COL25A1: variants seen among roughly 807,000 people sequenced by gnomAD.
COL25A1 encodes the protein collagen alpha-1(XXV) chain.
Under a neutral mutation model 128.4 loss-of-function variants are expected in COL25A1, and 103 were observed. The observed-to-expected ratio is 0.80, with a 90% CI of 0.68 to 0.94. The LOEUF is 0.94. COL25A1 is among the 40% of genes least tolerant of loss of function. The probability of loss-of-function intolerance (pLI) is 0.00; values close to 1 mark genes in which losing one functional copy is unlikely to be tolerated. For missense variants in COL25A1, 745 were observed against 840.0 expected, an observed-to-expected ratio of 0.89 and a Z score of 1.40; for synonymous variants, 279 against 277.2, an observed-to-expected ratio of 1.01 and a Z score of -0.06.
intron 4 of COL25A1, among the ~76,000 whole-genome samples, chr4:109,049,398 T>A (rs1253626846): frequency 6.6e-6 from 1 of 152,138 alleles, no homozygotes; most frequent in Non-Finnish European, 1.5e-5. Context: ...TCAAAAGAAA[T>A]TTTACTTGAC....
At chr4:108,894,358 AT>A (rs1209355513) in intron 16 of COL25A1, among the ~76,000 whole-genome samples, 1 of 152,062 alleles carries the variant, frequency 6.6e-6, no homozygotes. Context: ...CGTAGTATAA[AT>A]TTTTTTCACT....
intron 5 of COL25A1, chr4:109,022,218 T>C (rs1183951656): frequency 4.4e-6 from 2 of 453,262 alleles, no homozygotes; most frequent in Non-Finnish European, 4.4e-6. Flanking sequence ...ATTCCTCTCT[T>C]TGTGCTCTTT....
intron 6 of COL25A1, among the ~76,000 whole-genome samples, chr4:108,978,679 T>C (rs1209645582): frequency 6.6e-6 from 1 of 152,172 alleles, no homozygotes; most frequent in Admixed American, 6.5e-5. Flanking sequence ...AGCTCAACAA[T>C]CTAATATTTA....
rs796441649 is a variant in COL25A1 at position 109,218,356 on chromosome 4, G to GTTTTTTTTT, written c.367+82226_367+82227insAAAAAAAAA. Reference sequence around the variant, plus strand: ...GCAGAATCAATTGCTGGTTTTTTGGGGTTTTTTTTTTTTTTTTTTTTTTTT... The same window carrying GTTTTTTTTT: ...GCAGAATCAATTGCTGGTTTTTTGGGTTTTTTTTTGTTTTTTTTTTTTTTTTTTTTTTTT... On this transcript the variant is annotated intron_variant, in intron 3 of 37. Coordinates refer to ENST00000399132, the MANE Select transcript of COL25A1 (RefSeq NM_198721.4). Among the ~76,000 whole-genome samples, 337 of 100,318 alleles carry GTTTTTTTTT rather than the reference G, an allele frequency of 3.4e-3. 2 individuals are homozygous for GTTTTTTTTT. The highest frequency in any genetic ancestry group is 0.013 in the African/African-American group (306 of 24,310). The allele number at this position is 100,318 out of a possible 152,430, so 65.8% of individuals were successfully genotyped here.
At chr4:109,280,896 C>T (rs1467094405) in intron 3 of COL25A1, among the ~76,000 whole-genome samples, 2 of 151,982 alleles carry the variant, frequency 1.3e-5, no homozygotes, top group South Asian at 2.1e-4. Context: ...CCGCCCACCT[C>T]GACCTCCCAA....
chr4:109,139,103 C>T (rs761441995), intron 3 of COL25A1, among the ~76,000 whole-genome samples: 4 of 151,886 alleles, frequency 2.6e-5, no homozygotes, highest in African/African-American at 4.8e-5. Flanking sequence ...GTCTGTTGGC[C>T]GCATTAAAAA....
chr4:109,103,545 C>A (rs1432933252), intron 3 of COL25A1, among the ~76,000 whole-genome samples: 1 of 152,158 alleles, frequency 6.6e-6, no homozygotes, highest in Non-Finnish European at 1.5e-5. Context: ...CAAGTATGTA[C>A]TTTCTCTTAA....
intron 3 of COL25A1, among the ~76,000 whole-genome samples, chr4:109,206,943 G>C (rs1407997889): frequency 6.6e-6 from 1 of 152,200 alleles, no homozygotes; most frequent in East Asian, 1.9e-4. Context: ...ACGTCTTTTA[G>C]TTGGCATTCC....
intron 6 of COL25A1, among the ~76,000 whole-genome samples, chr4:108,975,524 T>G (rs1752353564): frequency 6.6e-6 from 1 of 152,216 alleles, no homozygotes; most frequent in African/African-American, 2.4e-5. Flanking sequence ...GCTGGGTGTA[T>G]ATCTAGAAAA....
At chr4:108,985,234 C>G (rs1444308762) in intron 6 of COL25A1, among the ~76,000 whole-genome samples, 1 of 152,164 alleles carries the variant, frequency 6.6e-6, no homozygotes, top group Non-Finnish European at 1.5e-5. Flanking sequence ...CTGTACCTAC[C>G]CACTTCTGTG....
rs539515321 is a variant in COL25A1, at chr4:108,847,427, T to C, written c.1435-1208A>G. Among the ~76,000 whole-genome samples the C allele has an allele frequency of 3.3e-5, 5 of 152,210 alleles. No homozygotes were observed. In the South Asian group the frequency reaches 1.0e-3, roughly 32 times the overall value. On this transcript the variant is annotated intron_variant, in intron 27 of 37. Transcript: ENST00000399132. ...GAACTTTTCTTGTTAACTGTTCCTA[T>C]TTAATAGCATTCAGAATTACCCAAT... is the stretch of plus-strand genomic sequence containing the variant.
chr4:109,170,935 C>T (rs1205997779), intron 3 of COL25A1, among the ~76,000 whole-genome samples: 1 of 152,130 alleles, frequency 6.6e-6, no homozygotes, highest in Non-Finnish European at 1.5e-5. Context: ...TCCAGTTCCT[C>T]TATCAACTGC....
chr4:109,188,937 G>T (rs1042089595), intron 3 of COL25A1, among the ~76,000 whole-genome samples: 2 of 151,840 alleles, frequency 1.3e-5, no homozygotes, highest in Admixed American at 6.6e-5. Context: ...GGGGTAGGGG[G>T]CAGGGGAAGT....
intron 3 of COL25A1, among the ~76,000 whole-genome samples, chr4:109,146,107 G>A (rs769767525): frequency 6.6e-6 from 1 of 152,062 alleles, no homozygotes; most frequent in Non-Finnish European, 1.5e-5. Flanking sequence ...AGTATCAAAA[G>A]AAATATTCAT....
intron 3 of COL25A1, among the ~76,000 whole-genome samples, chr4:109,209,532 A>C (rs770190772): frequency 1.3e-5 from 2 of 152,202 alleles, no homozygotes; most frequent in Non-Finnish European, 2.9e-5. Context: ...AAATTTTAGT[A>C]TCTTTGGGGA....
At chr4:109,088,990 G>T (rs546607856) in intron 3 of COL25A1, among the ~76,000 whole-genome samples, 1 of 152,288 alleles carries the variant, frequency 6.6e-6, no homozygotes, top group African/African-American at 2.4e-5. Context: ...TGGCATCTTT[G>T]CCTGACTTGT....
chr4:108,867,668 G>A (rs1343734477), intron 20 of COL25A1, among the ~76,000 whole-genome samples: 1 of 152,110 alleles, frequency 6.6e-6, no homozygotes, highest in Non-Finnish European at 1.5e-5. Flanking sequence ...GTAACTCTTG[G>A]AAATCATCCC....
At chr4:109,216,704 C>T (rs1778026752) in intron 3 of COL25A1, among the ~76,000 whole-genome samples, 1 of 152,058 alleles carries the variant, frequency 6.6e-6, no homozygotes, top group South Asian at 2.1e-4. Flanking sequence ...GGAGCATGGC[C>T]CTGCCAACAT....
intron 3 of COL25A1, among the ~76,000 whole-genome samples, chr4:109,122,736 C>T (rs992869059): frequency 6.6e-6 from 1 of 152,034 alleles, no homozygotes; most frequent in Non-Finnish European, 1.5e-5. Flanking sequence ...GACAGAAAGA[C>T]ACATGTAAGC....
Sources: gnomAD v4.1 joint callset for allele counts (sites outside exome capture counted in the v4.1 genomes callset) on GRCh38, gnomAD v4.1.1 for gene constraint, MANE v1.5 for transcripts, NCBI Gene and HGNC (gene_info 2026-07-23, HGNC 2026-07-21) for gene names.